The following WNT5B variants were observed in gnomAD, a reference collection of about 807,000 sequenced individuals.
The protein encoded by WNT5B is protein Wnt-5b.
WNT5B carries 18 observed loss-of-function variants against 36.5 expected under a neutral mutation model. The ratio of observed to expected loss-of-function variants is 0.49; its 90% confidence interval spans 0.34 to 0.73. WNT5B has a LOEUF of 0.73. Among genes scored for constraint, WNT5B ranks in the 30% least tolerant of loss-of-function variants. The pLI is 0.01. For synonymous variants in WNT5B, 213 were observed against 212.3 expected (o/e 1.00, Z -0.03); for missense variants, 424 against 508.4 (o/e 0.83, Z 1.60).
intron 4 of WNT5B, among the ~76,000 whole-genome samples, chr12:1,640,255 G>A (rs796204574): frequency 2.6e-5 from 4 of 152,206 alleles, no homozygotes; most frequent in African/African-American, 9.6e-5. Context: ...GCAATGTTTG[G>A]ATCAGAATTC....
At chr12:1,621,870 A>G (rs2094534216) in intron 1 of WNT5B, among the ~76,000 whole-genome samples, 2 of 152,138 alleles carry the variant, frequency 1.3e-5, no homozygotes, top group African/African-American at 4.8e-5. Context: ...GAGGGACTAC[A>G]TAAATTTCAC....
chr12:1,644,729 C>T lies in WNT5B; in HGVS notation c.622-1065C>T, dbSNP rs2094582058. 6.6e-6 allele frequency: 1 copy of T among 152,232 alleles called. No individual in the cohort carries two copies. Among genetic ancestry groups the T allele is most frequent in the Admixed American group, 6.5e-5 (1 of 15,284 alleles). The allele number at this position is 152,232 out of a possible 1,614,324, so 9.4% of individuals were successfully genotyped here. Reference sequence around the variant, plus strand: ...TAGGCCTGCTGCCAGGGTTGGTTGCCATGGTGCGTCAGCATGCTGCCGTTG... The same window carrying T: ...TAGGCCTGCTGCCAGGGTTGGTTGCTATGGTGCGTCAGCATGCTGCCGTTG... On this transcript the variant is annotated intron_variant, in intron 4 of 4. Transcript: ENST00000397196. The surrounding 1 kb of genome is among the most constrained non-coding windows in gnomAD (Gnocchi z 5.1).
intron 1 of WNT5B, among the ~76,000 whole-genome samples, chr12:1,617,301 G>A (rs2094528197): frequency 1.0e-5 from 1 of 100,054 alleles, no homozygotes; most frequent in African/African-American, 4.1e-5. Flanking sequence ...TATCATATAT[G>A]TAATATATAA....
chr12:1,639,739 C>A lies in WNT5B; in HGVS notation c.384C>A (p.Ala128=), dbSNP rs1056747987. The part of the protein sequence containing the change: ...HAVSAAGVVN[A]ISRACREGEL... ...TGAGCGCCGCGGGCGTGGTCAACGC[C>A]ATCAGCCGGGCCTGCCGCGAGGGCG... The change falls in exon 4 of 5, where the codon GCC becomes GCA. Residue 128 remains alanine, a synonymous_variant. Transcript: ENST00000397196. 3 of 1,601,352 alleles carry A rather than the reference C, an allele frequency of 1.9e-6. No individual in the cohort carries two copies. The highest frequency in any genetic ancestry group is 2.6e-6 in the Non-Finnish European group (3 of 1,174,430).
rs1430231788 is a variant in WNT5B, at chr12:1,632,860, A to T, written c.283A>T (p.Ser95Cys). The T allele has an allele frequency of 6.2e-7, 1 of 1,613,962 alleles. No individual in the cohort carries two copies. The highest frequency in any genetic ancestry group is 8.5e-7 in the Non-Finnish European group (1 of 1,179,954). The part of the protein sequence containing the change: ...HQFRQRRWNC[S>C]TADNASVFGR... ...GTTCCGGCAGCGGCGGTGGAATTGC[A>T]GCACAGCGGACAACGCATCTGTCTT... The change falls in exon 3 of 5, where the codon AGC becomes TGC. Residue 95 changes from serine (S) to cysteine (C), a missense_variant. Transcript: ENST00000397196. This position sits in a 1 kb window ranked among gnomAD's most constrained non-coding sequence, Gnocchi z 5.8.
At position 1,643,625 on chromosome 12, in the gene WNT5B, T is replaced by C. The variant is rs529580077; in HGVS notation, c.622-2169T>C. ...AGGTGATCCGCCCGCCTTGGCCTCC[T>C]AAAGTGCTGGGATTACAGGCATAAG... is the stretch of plus-strand genomic sequence containing the variant. On this transcript the variant is annotated intron_variant, in intron 4 of 4. Coordinates refer to ENST00000397196, the MANE Select transcript of WNT5B (RefSeq NM_032642.3). Among the ~76,000 whole-genome samples, 1,154 of 146,838 alleles carry C rather than the reference T, an allele frequency of 7.9e-3. 21 individuals are homozygous for C. Among genetic ancestry groups the C allele is most frequent in the African/African-American group, 0.027 (1,096 of 40,324 alleles).
intron 1 of WNT5B, 168 bp from the exon 2 acceptor site, chr12:1,631,130 G>C (rs1359737524): frequency 9.9e-6 from 5 of 503,648 alleles, no homozygotes; most frequent in African/African-American, 1.9e-5. Flanking sequence ...GAAGTCCTAG[G>C]GTGGGAAGAT....
intron 2 of WNT5B, among the ~76,000 whole-genome samples, chr12:1,631,857 C>A (rs114956382): frequency 1.7e-4 from 26 of 152,200 alleles, no homozygotes; most frequent in African/African-American, 5.8e-4. Context: ...GGGTGGCTGG[C>A]TTTCTTCTTA....
chr12:1,639,400 A>AG (rs2094569186), intron 3 of WNT5B, among the ~76,000 whole-genome samples: 2 of 149,306 alleles, frequency 1.3e-5, no homozygotes, highest in Non-Finnish European at 3.0e-5. Context: ...GGCCTCCCAA[A>AG]GGGCTGGGAT....
At position 1,630,334 on chromosome 12, in the gene WNT5B, C is replaced by A; in HGVS notation, c.-58+963C>A. ...CCGTGTGTCCCGAGGCGCAGGCTCG[C>A]TCTAGCAGCACTGACCTGCTGCGGG... On this transcript the variant is annotated intron_variant, in intron 1 of 4. Transcript: ENST00000397196. This position sits in a 1 kb window ranked among gnomAD's most constrained non-coding sequence, Gnocchi z 5.3. 2.8e-6 allele frequency: 2 copies of A among 702,800 alleles called. No homozygotes were observed. Among genetic ancestry groups the A allele is most frequent in the Non-Finnish European group, 3.5e-6 (2 of 571,384 alleles). The allele number at this position is 702,800 out of a possible 1,614,324, so 43.5% of individuals were successfully genotyped here. A position where few individuals can be genotyped will look rare whatever the true frequency, so the allele number is the denominator to read the frequency against.
rs771908570 is a variant in WNT5B, at chr12:1,645,835, C to T, written c.663C>T (p.Gly221=). 9.0e-5 allele frequency: 144 copies of T among 1,603,278 alleles called. No homozygotes were observed. In the Middle Eastern group the frequency reaches 3.5e-3, roughly 39 times the overall value. The part of the protein sequence containing the change: ...KMADVACKCH[G]VSGSCSLKTC... Reference sequence around the variant, plus strand: ...CAGACGTAGCCTGCAAATGCCACGGCGTCTCGGGGTCCTGCAGCCTCAAGA... The same window carrying T: ...CAGACGTAGCCTGCAAATGCCACGGTGTCTCGGGGTCCTGCAGCCTCAAGA... Residue 221 remains glycine (G), a synonymous_variant, in exon 5 of 5, where the codon GGC becomes GGT. Coordinates refer to ENST00000397196, the MANE Select transcript of WNT5B (RefSeq NM_032642.3).
Position 1,646,273 on chromosome 12 carries a change from C to A in WNT5B, c.*21C>A. 6.3e-7 allele frequency: 1 copy of A among 1,576,908 alleles called. No individual in the cohort carries two copies. The highest frequency in any genetic ancestry group is 1.7e-4 in the Middle Eastern group (1 of 5,856). ...AATAGCCCGGAGGGCCTGCTCCCGG[C>A]CCCCCTGCACTCTGCCTCACAAAGG... On this transcript the variant is annotated 3_prime_UTR_variant, in exon 5 of 5. Coordinates refer to ENST00000397196, the MANE Select transcript of WNT5B (RefSeq NM_032642.3).
At chr12:1,639,059 T>G (rs1235403232) in intron 3 of WNT5B, among the ~76,000 whole-genome samples, 1 of 152,186 alleles carries the variant, frequency 6.6e-6, no homozygotes, top group African/African-American at 2.4e-5. Context: ...GTCTCCCGCC[T>G]AGGAATCTGC....
rs1470134617 is a variant in WNT5B at position 1,639,682 on chromosome 12, AG to A, written c.329del. On this transcript the variant is annotated splice_acceptor_variant, in intron 3 of 4. Coordinates refer to ENST00000397196, the MANE Select transcript of WNT5B (RefSeq NM_032642.3). LOFTEE classifies it high-confidence loss of function. ...GCTTACCGCCCTGGCCTCATTCTGC[AG>A]GCAGCCGAGAGACCGCCTTCACCCA... 1 of 1,544,228 alleles carries A rather than the reference AG, an allele frequency of 6.5e-7. No individual in the cohort carries two copies. Among genetic ancestry groups the A allele is most frequent in the Admixed American group, 2.0e-5 (1 of 49,368 alleles).
rs935268443 is a variant in WNT5B, at chr12:1,647,086, C to A, written c.*834C>A. On this transcript the variant is annotated 3_prime_UTR_variant, in exon 5 of 5. Coordinates refer to ENST00000397196, the MANE Select transcript of WNT5B (RefSeq NM_032642.3). ...GGGGAAGCTTGAGCTGCTGCTGTCA[C>A]TCCTCCACCGAGGGAGGCCTCACAA... 3 of 152,354 alleles carry A rather than the reference C, an allele frequency of 2.0e-5. No individual in the cohort carries two copies. The highest frequency in any genetic ancestry group is 7.2e-5 in the African/African-American group (3 of 41,442). The allele number at this position is 152,354 out of a possible 1,614,324, so 9.4% of individuals were successfully genotyped here. A position where few individuals can be genotyped will look rare whatever the true frequency, so the allele number is the denominator to read the frequency against.
intron 3 of WNT5B, among the ~76,000 whole-genome samples, chr12:1,635,527 T>A (rs929726005): frequency 6.6e-6 from 1 of 152,094 alleles, no homozygotes; most frequent in Admixed American, 6.5e-5. Context: ...GTGATTGGAG[T>A]CATTTGAAAA....
rs186146744 is a variant in WNT5B at position 1,618,541 on chromosome 12, T to C, written c.-58+1398T>C. ...GAAAACAAAGTCCATAGCCTTGTTCTCTTGAAACAATTCCTAAACCACACT... is the reference window on the plus strand; with the variant it reads ...GAAAACAAAGTCCATAGCCTTGTTCCCTTGAAACAATTCCTAAACCACACT... On this transcript the variant is annotated intron_variant, in intron 1 of 4. Transcript: ENST00000310594. This position sits in a 1 kb window ranked among gnomAD's most constrained non-coding sequence, Gnocchi z 4.1. Among the ~76,000 whole-genome samples the C allele has an allele frequency of 6.6e-6, 1 of 152,348 alleles. No homozygotes were observed. The highest frequency in any genetic ancestry group is 1.9e-4 in the East Asian group (1 of 5,194).
chr12:1,620,939 A>C (rs57403998), intron 1 of WNT5B, among the ~76,000 whole-genome samples: 2 of 3,666 alleles, frequency 5.5e-4, no homozygotes, highest in African/African-American at 9.4e-4. Context: ...TTGACCTCGT[A>C]ATCTGCCCGC....
At position 1,646,143 on chromosome 12, in the gene WNT5B, A is replaced by G; in HGVS notation, c.971A>G (p.Asn324Ser). The G allele has an allele frequency of 1.2e-6, 2 of 1,613,834 alleles. No individual in the cohort carries two copies. The highest frequency in any genetic ancestry group is 1.7e-6 in the Non-Finnish European group (2 of 1,180,028). The change falls in exon 5 of 5, where the codon AAC becomes AGC. Residue 324 changes from asparagine to serine, a missense_variant. By Grantham distance (46) the Asn-to-Ser change is conservative. Coordinates refer to ENST00000397196, the MANE Select transcript of WNT5B (RefSeq NM_032642.3). ...CELMCCGRGY[N>S]QFKSVQVERC... ...CTCATGTGCTGCGGGCGTGGCTACA[A>G]CCAGTTCAAGAGCGTGCAGGTGGAG...
Sources: allele counts gnomAD v4.1 joint callset (sites outside exome capture counted in the v4.1 genomes callset), GRCh38; gene constraint gnomAD v4.1.1; non-coding constraint Gnocchi (gnomAD v3.1); transcripts MANE v1.5; gene names NCBI Gene and HGNC (gene_info 2026-07-23, HGNC 2026-07-21).